The following ACOT12 variants were observed in gnomAD, a reference collection of about 807,000 sequenced individuals.
ACOT12 encodes the protein acyl-CoA thioesterase 12.
A neutral mutation model predicts 67.7 loss-of-function variants in ACOT12; 51 were observed. The ratio of observed to expected loss-of-function variants is 0.75; its 90% confidence interval spans 0.60 to 0.95. The LOEUF (loss-of-function observed/expected upper bound fraction) is 0.95, where lower values mean the gene tolerates loss of function less well. Ranked by LOEUF, ACOT12 falls within the 40% of genes least tolerant of loss-of-function variation. The pLI is 0.00. For synonymous variants in ACOT12, 251 were observed against 244.6 expected (o/e 1.03, Z -0.24); for missense variants, 734 against 708.1 (o/e 1.04, Z -0.41).
downstream of ACOT12, among the ~76,000 whole-genome samples, chr5:81,325,955 A>G (rs1758663076): frequency 1.3e-5 from 2 of 151,948 alleles, no homozygotes; most frequent in South Asian, 4.2e-4. Flanking sequence ...GACTACAGGC[A>G]TGCACCACCA....
Position 81,362,604 on chromosome 5 carries a change from C to T in ACOT12, c.360+1184G>A, listed in dbSNP as rs150993220. Among the ~76,000 whole-genome samples, 181 of 152,278 alleles carry T rather than the reference C, an allele frequency of 1.2e-3. 1 individual carries two copies. The highest frequency in any genetic ancestry group is 4.2e-3 in the African/African-American group (175 of 41,560). On this transcript the variant is annotated intron_variant, in intron 4 of 14. Transcript: ENST00000307624. The stretch of plus-strand genomic sequence containing the variant: ...GGTGTATTCCTTTGTCACTTGCGCT[C>T]AGATACGGGCACCTGCACCCATCCC...
downstream of ACOT12, among the ~76,000 whole-genome samples, chr5:81,326,858 A>G (rs1032348773): frequency 6.6e-6 from 1 of 152,232 alleles, no homozygotes; most frequent in African/African-American, 2.4e-5. Context: ...AGAATGTGCA[A>G]GACCACCCAG....
At chr5:81,317,587 C>G in the ACOT12 span, among the ~76,000 whole-genome samples, 1 of 151,378 alleles carries the variant, frequency 6.6e-6, no homozygotes, top group Non-Finnish European at 1.5e-5. Flanking sequence ...AGGAAACTTA[C>G]AATCATGGCA....
chr5:81,328,109 T>C (rs760392649), downstream of ACOT12, among the ~76,000 whole-genome samples: 42 of 152,140 alleles, frequency 2.8e-4, no homozygotes, highest in Non-Finnish European at 4.9e-4. Context: ...CTTAGGGACT[T>C]TGCCTCGCCT....
chr5:81,344,829 A>G, intron 8 of ACOT12, 62 bp downstream of exon 8: 1 of 1,584,122 alleles, frequency 6.3e-7, no homozygotes. Context: ...GTGGGAGGAG[A>G]TTCTAGGTAG....
chr5:81,353,910 CTT>C (rs766291119), intron 5 of ACOT12, among the ~76,000 whole-genome samples: 11 of 152,206 alleles, frequency 7.2e-5, no homozygotes, highest in Non-Finnish European at 1.6e-4. Context: ...GGTTGGTTCT[CTT>C]CTTTTAGAAC....
intron 2 of ACOT12, among the ~76,000 whole-genome samples, chr5:81,373,753 G>T (rs1283863761): frequency 6.6e-6 from 1 of 152,192 alleles, no homozygotes; most frequent in Non-Finnish European, 1.5e-5. Flanking sequence ...AAGCCACCAG[G>T]AAGTTCAAAG....
intron 2 of ACOT12, among the ~76,000 whole-genome samples, chr5:81,376,442 G>C (rs1251383350): frequency 6.6e-6 from 1 of 150,738 alleles, no homozygotes; most frequent in African/African-American, 2.5e-5. Flanking sequence ...AGAGAAGCAA[G>C]AGCAAAAAAA....
chr5:81,351,249 T>A (rs1413575652), intron 5 of ACOT12, among the ~76,000 whole-genome samples: 1 of 152,240 alleles, frequency 6.6e-6, no homozygotes, highest in Admixed American at 6.5e-5. Context: ...TTTATACATA[T>A]CCCAAACTAG....
intron 1 of ACOT12, among the ~76,000 whole-genome samples, chr5:81,392,109 T>A (rs1004692605): frequency 2.0e-5 from 3 of 152,210 alleles, no homozygotes; most frequent in African/African-American, 7.2e-5. Flanking sequence ...GAATATTTCA[T>A]CTTTCTTTAA....
chr5:81,314,384 T>A, the ACOT12 span, among the ~76,000 whole-genome samples: 6 of 152,158 alleles, frequency 3.9e-5, no homozygotes, highest in African/African-American at 1.4e-4. Context: ...ATTACAGGCT[T>A]GAGCCACCAT....
chr5:81,345,802 C>A, intron 7 of ACOT12, 83 bp downstream of exon 7: 1 of 1,554,422 alleles, frequency 6.4e-7, no homozygotes, highest in Non-Finnish European at 8.8e-7. Context: ...AAAGTAGTTC[C>A]CATACTCACC....
intron 5 of ACOT12, 194 bp downstream of exon 5, chr5:81,359,709 A>G (rs1192441447): frequency 6.1e-6 from 3 of 491,990 alleles, no homozygotes; most frequent in African/African-American, 6.0e-5. Context: ...TCCAATTTAA[A>G]GAGGCCTTAG....
intron 8 of ACOT12, 111 bp from the exon 9 acceptor site, chr5:81,344,326 A>G (rs1369599107): frequency 9.6e-7 from 1 of 1,041,828 alleles, no homozygotes; most frequent in Non-Finnish European, 1.4e-6. Context: ...GCTAACTGAG[A>G]TGTGGTGTCT....
chr5:81,391,754 G>T (rs11954685), intron 1 of ACOT12, among the ~76,000 whole-genome samples: 16,648 of 152,226 alleles, frequency 0.11, 1,018 homozygotes, highest in Middle Eastern at 0.18. Flanking sequence ...GGAGTAGATG[G>T]TCGCAATGGG....
rs187718875 is a variant in ACOT12, at chr5:81,379,210, C to T, written c.197+6547G>A. Among the ~76,000 whole-genome samples, 536 of 151,992 alleles carry T rather than the reference C, an allele frequency of 3.5e-3. 1 individual carries two copies. Among genetic ancestry groups the T allele is most frequent in the Admixed American group, 6.8e-3 (104 of 15,242 alleles). Reference sequence around the variant, plus strand: ...ATTGATGAAGCTGGAAACCGTCATTCTCAGCAAACTAACACAAGAACAGAA... The same window carrying T: ...ATTGATGAAGCTGGAAACCGTCATTTTCAGCAAACTAACACAAGAACAGAA... On this transcript the variant is annotated intron_variant, in intron 2 of 14. Transcript: ENST00000307624.
Position 81,330,952 on chromosome 5 carries a change from C to T in ACOT12, c.1392-12G>A. 1 of 1,582,300 alleles carries T rather than the reference C, an allele frequency of 6.3e-7. No individual in the cohort carries two copies. The highest frequency in any genetic ancestry group is 8.6e-7 in the Non-Finnish European group (1 of 1,166,212). On this transcript the variant is annotated splice_polypyrimidine_tract_variant and intron_variant, in intron 13 of 14. Coordinates refer to ENST00000307624, the MANE Select transcript of ACOT12 (RefSeq NM_130767.3). ...CTGTGTAAGTGTTACTGAAAGAAAACACTTTCTAAGCTCTTGTGAGAAATA... is the reference window on the plus strand; with the variant it reads ...CTGTGTAAGTGTTACTGAAAGAAAATACTTTCTAAGCTCTTGTGAGAAATA...
intron 11 of ACOT12, 106 bp from the exon 12 acceptor site, chr5:81,336,007 A>G (rs923806450): frequency 1.7e-6 from 2 of 1,184,828 alleles, no homozygotes; most frequent in Non-Finnish European, 2.3e-6. Context: ...TAACTAAGGC[A>G]TCTTATTTCC....
rs772385751 is a variant in ACOT12, at chr5:81,342,691, A to C, written c.1109T>G (p.Val370Gly). 5 of 1,614,036 alleles carry C rather than the reference A, an allele frequency of 3.1e-6. No homozygotes were observed. The Admixed American group carries it at 8.3e-5, about 27-fold the overall frequency. The stretch of plus-strand genomic sequence containing the variant: ...TCCTACCTTTTCCACAGTGCTGGTA[A>C]CCTCCCAACCCCTTTTGGCTGCCAG... ...KKLAAKRGWEVTSTVEKIKIY... is the reference protein window; with the variant it reads ...KKLAAKRGWEGTSTVEKIKIY... The change falls in exon 11 of 15, where the codon GTT becomes GGT. Residue 370 changes from valine (V) to glycine (G), a missense_variant. Coordinates refer to ENST00000307624, the MANE Select transcript of ACOT12 (RefSeq NM_130767.3).
Sources: allele counts gnomAD v4.1 joint callset (sites outside exome capture counted in the v4.1 genomes callset), GRCh38; gene constraint gnomAD v4.1.1; transcripts MANE v1.5; gene names NCBI Gene and HGNC (gene_info 2026-07-23, HGNC 2026-07-21).